The following TMEM50B variants were observed in gnomAD, a reference collection of about 807,000 sequenced individuals.
TMEM50B encodes the protein transmembrane protein 50B.
Under a neutral mutation model 23.4 loss-of-function variants are expected in TMEM50B, and 14 were observed. That is an observed-to-expected ratio of 0.60 (90% CI 0.39 to 0.93). TMEM50B has a LOEUF of 0.93. Ranked by LOEUF, TMEM50B falls within the 40% of genes least tolerant of loss-of-function variation. The pLI is 0.00. For synonymous variants in TMEM50B, 64 were observed against 62.3 expected (o/e 1.03, Z -0.13); for missense variants, 159 against 193.0 (o/e 0.82, Z 1.04).
In TMEM50B at chr21:33,463,837, G is replaced by C. The variant is rs890091407; in HGVS notation, c.280+1505C>G. ...AGAAACTGAGGCAGGAGGATCACTC[G>C]AGCCCAGGCTGTTGAGGCTGCAGTG... On this transcript the variant is annotated intron_variant, in intron 4 of 6. Transcript: ENST00000542230. 2.0e-5 allele frequency among the ~76,000 whole-genome samples: 3 copies of C among 152,172 alleles called. 1 individual carries two copies. Among genetic ancestry groups the C allele is most frequent in the South Asian group, 4.1e-4 (2 of 4,824 alleles).
chr21:33,460,633 T>C, intron 4 of TMEM50B, 128 bp from the exon 5 acceptor site: 1 of 435,604 alleles, frequency 2.3e-6, no homozygotes, highest in East Asian at 3.6e-5. Flanking sequence ...CATATATTTA[T>C]ATAAATCTGC....
intron 1 of TMEM50B, among the ~76,000 whole-genome samples, chr21:33,475,336 A>G (rs767750809): frequency 4.6e-5 from 7 of 152,084 alleles, no homozygotes; most frequent in Non-Finnish European, 1.0e-4. Flanking sequence ...AAAATTTGCA[A>G]TGAAAGAAAT....
intron 5 of TMEM50B, among the ~76,000 whole-genome samples, chr21:33,458,357 T>C (rs548773064): frequency 1.1e-4 from 16 of 152,178 alleles, no homozygotes; most frequent in South Asian, 4.2e-4. Flanking sequence ...CTACTAAAAA[T>C]ACAAAAATTA....
chr21:33,434,254 AC>A (rs2083920837), intron 8 of TMEM50B, among the ~76,000 whole-genome samples: 1 of 152,102 alleles, frequency 6.6e-6, no homozygotes, highest in Non-Finnish European at 1.5e-5. Context: ...GGGCGCAGTG[AC>A]CCACACCTGT....
At chr21:33,453,812 A>G (rs535001774) in intron 6 of TMEM50B, among the ~76,000 whole-genome samples, 1 of 152,240 alleles carries the variant, frequency 6.6e-6, no homozygotes, top group African/African-American at 2.4e-5. Context: ...ATTAAAAGAC[A>G]TTCATTCTAG....
intron 5 of TMEM50B, among the ~76,000 whole-genome samples, chr21:33,456,743 T>C (rs1297752739): frequency 6.6e-6 from 1 of 152,202 alleles, no homozygotes; most frequent in Non-Finnish European, 1.5e-5. Context: ...TTTCCTCACC[T>C]GTAAAACGGG....
chr21:33,435,528 T>TG (rs1221356722), intron 8 of TMEM50B, among the ~76,000 whole-genome samples: 5 of 152,268 alleles, frequency 3.3e-5, no homozygotes, highest in Admixed American at 1.3e-4. Context: ...CATATTAACA[T>TG]GGTCAGCCCT....
intron 5 of TMEM50B, among the ~76,000 whole-genome samples, chr21:33,456,584 T>C (rs2084170450): frequency 6.6e-6 from 1 of 152,202 alleles, no homozygotes; most frequent in Non-Finnish European, 1.5e-5. Context: ...AAGAAACTGG[T>C]TCAATTCTGA....
At chr21:33,466,040 T>C (rs2084261526) in intron 3 of TMEM50B, among the ~76,000 whole-genome samples, 1 of 152,006 alleles carries the variant, frequency 6.6e-6, no homozygotes, top group South Asian at 2.1e-4. Flanking sequence ...AGCAGGCAAA[T>C]CACGAGGTCA....
chr21:33,438,811 C>G (rs567031239), intron 8 of TMEM50B, among the ~76,000 whole-genome samples: 2 of 151,794 alleles, frequency 1.3e-5, no homozygotes, highest in African/African-American at 4.8e-5. Flanking sequence ...CTCGCTGCAA[C>G]CTCCACCTCC....
At chr21:33,465,098 T>A (rs2084253607) in intron 4 of TMEM50B, 1 of 395,836 alleles carries the variant, frequency 2.5e-6, no homozygotes, top group Non-Finnish European at 4.5e-6. Flanking sequence ...GAGTCCAAGA[T>A]CCATTTGAAT....
At chr21:33,472,600 G>A (rs1329252499) in intron 1 of TMEM50B, among the ~76,000 whole-genome samples, 2 of 151,986 alleles carry the variant, frequency 1.3e-5, no homozygotes, top group African/African-American at 4.8e-5. Flanking sequence ...AGATGGGCTG[G>A]GCACGGTGGC....
At chr21:33,445,798 GA>G (rs924679523), downstream of TMEM50B, among the ~76,000 whole-genome samples, 14 of 150,068 alleles carry the variant, frequency 9.3e-5, no homozygotes, top group South Asian at 2.1e-4. Context: ...AAAAAAAAAG[GA>G]AAAAAAAAGC....
At chr21:33,471,810 CG>C (rs1568986855) in intron 1 of TMEM50B, among the ~76,000 whole-genome samples, 1 of 149,534 alleles carries the variant, frequency 6.7e-6, no homozygotes, top group Non-Finnish European at 1.5e-5. Flanking sequence ...CCGAGGCAGG[CG>C]GATCACGAGG....
chr21:33,467,588 C>T (rs1380639864), intron 2 of TMEM50B, among the ~76,000 whole-genome samples: 1 of 152,126 alleles, frequency 6.6e-6, no homozygotes, highest in South Asian at 2.1e-4. Flanking sequence ...CACGCCACTG[C>T]ACTCCAGCCT....
intron 6 of TMEM50B, among the ~76,000 whole-genome samples, chr21:33,451,871 A>T (rs938952485): frequency 6.6e-6 from 1 of 152,172 alleles, no homozygotes; most frequent in Non-Finnish European, 1.5e-5. Context: ...AAAAGGTAGT[A>T]GGCAGGGAGT....
intron 1 of TMEM50B, among the ~76,000 whole-genome samples, chr21:33,470,215 T>A (rs1301975999): frequency 1.3e-5 from 2 of 152,052 alleles, no homozygotes; most frequent in African/African-American, 2.4e-5. Context: ...CTCACGCCTA[T>A]AATCCCAGCA....
intron 1 of TMEM50B, among the ~76,000 whole-genome samples, chr21:33,472,029 TAAA>T (rs34148632): frequency 2.5e-5 from 3 of 117,986 alleles, no homozygotes; most frequent in Non-Finnish European, 1.7e-5. Context: ...GAGACTCCCC[TAAA>T]AAAAAAAAAA....
intron 4 of TMEM50B, among the ~76,000 whole-genome samples, chr21:33,462,749 T>C (rs533554020): frequency 1.3e-5 from 2 of 152,364 alleles, no homozygotes; most frequent in South Asian, 4.1e-4. Flanking sequence ...AGTACATTAT[T>C]GTATGCTCTA....
Sources: allele counts gnomAD v4.1 joint callset (sites outside exome capture counted in the v4.1 genomes callset), GRCh38; gene constraint gnomAD v4.1.1; transcripts MANE v1.5; gene names NCBI Gene and HGNC (gene_info 2026-07-23, HGNC 2026-07-21).